The following KLHL4 variants were observed in gnomAD, a reference collection of about 807,000 sequenced individuals.
KLHL4 encodes the protein kelch-like protein 4.
KLHL4 carries 17 observed loss-of-function variants against 45.8 expected under a neutral mutation model. The observed-to-expected ratio is 0.37, with a 90% CI of 0.25 to 0.56. The LOEUF (loss-of-function observed/expected upper bound fraction) is 0.56. Ranked by LOEUF, KLHL4 falls within the 20% of genes least tolerant of loss-of-function variation. KLHL4 has a pLI of 0.79. For synonymous variants in KLHL4, 224 were observed against 189.9 expected, an observed-to-expected ratio of 1.18 and a Z score of -1.47; for missense variants, 544 against 544.9, an observed-to-expected ratio of 1.00 and a Z score of 0.02.
chrX:87,618,112 C>T lies in KLHL4; in HGVS notation c.908C>T (p.Ala303Val). Residue 303 changes from alanine (A) to valine (V), a missense_variant, in exon 4 of 11, where the codon GCA becomes GTA. Coordinates refer to ENST00000373119, the MANE Select transcript of KLHL4 (RefSeq NM_019117.5). Reference sequence around the variant, plus strand: ...GGCTGTACAGAACTTCTGAACGTGGCACACAAATACACTATGGTAAAATCA... The same window carrying T: ...GGCTGTACAGAACTTCTGAACGTGGTACACAAATACACTATGGTAAAATCA... ...AQGCTELLNV[A>V]HKYTMEHFIE... 2.5e-6 allele frequency: 3 copies of T among 1,184,425 alleles called. No individual in the cohort carries two copies. The highest frequency in any genetic ancestry group is 3.4e-6 in the Non-Finnish European group (3 of 879,437).
chrX:87,659,888 G>C (rs1345274950), intron 9 of KLHL4, among the ~76,000 whole-genome samples: 1 of 110,814 alleles, frequency 9.0e-6, no homozygotes, highest in Non-Finnish European at 1.9e-5. Context: ...GGTCAGCTCA[G>C]TATAAAGGCT....
chrX:87,581,493 G>T (rs1026084543), intron 1 of KLHL4, among the ~76,000 whole-genome samples: 5 of 112,578 alleles, frequency 4.4e-5, no homozygotes, highest in Non-Finnish European at 9.4e-5. Flanking sequence ...TACCCCCCTG[G>T]GACAGAGCTT....
chrX:87,621,381 AT>A (rs1205954391), intron 4 of KLHL4, among the ~76,000 whole-genome samples: 16 of 111,031 alleles, frequency 1.4e-4, no homozygotes, highest in African/African-American at 2.3e-4. Context: ...CTAGAAAAAA[AT>A]ATAATGGTGT....
chrX:87,561,999 G>A (rs1932109223), intron 1 of KLHL4, among the ~76,000 whole-genome samples: 1 of 109,902 alleles, frequency 9.1e-6, no homozygotes, highest in African/African-American at 3.3e-5. Flanking sequence ...ATCAATGATA[G>A]CTAGGTAGTA....
chrX:87,553,785 A>C (rs1931892252), intron 1 of KLHL4, among the ~76,000 whole-genome samples: 1 of 111,206 alleles, frequency 9.0e-6, no homozygotes, highest in Admixed American at 9.6e-5. Flanking sequence ...TAAAACCTAA[A>C]TAGCTTCACA....
chrX:87,632,419 C>T lies in KLHL4; in HGVS notation c.1534C>T (p.His512Tyr), dbSNP rs1923126439. ...IWTVMPPMSTHRHGLGVATLE... is the reference protein window; with the variant it reads ...IWTVMPPMSTYRHGLGVATLE... Reference sequence around the variant, plus strand: ...GACTGTGATGCCTCCCATGTCAACACATCGGCACGGCTTAGGTAAGAGCTT... The same window carrying T: ...GACTGTGATGCCTCCCATGTCAACATATCGGCACGGCTTAGGTAAGAGCTT... The change falls in exon 7 of 11, where the codon CAT (histidine) becomes TAT (tyrosine). Residue 512 changes from histidine (H) to tyrosine (Y), a missense_variant. His to Tyr is a moderately conservative substitution (Grantham distance 83). Transcript: ENST00000373119. 1 of 1,188,297 alleles carries T rather than the reference C, an allele frequency of 8.4e-7. No homozygotes were observed. Among genetic ancestry groups the T allele is most frequent in the African/African-American group, 1.8e-5 (1 of 56,790 alleles).
intron 1 of KLHL4, among the ~76,000 whole-genome samples, chrX:87,595,861 A>G (rs1921824926): frequency 9.0e-6 from 1 of 111,559 alleles, no homozygotes; most frequent in Non-Finnish European, 1.9e-5. Flanking sequence ...ACTTTAATGC[A>G]TATGACATAG....
intron 6 of KLHL4, among the ~76,000 whole-genome samples, chrX:87,629,350 A>G (rs1002565225): frequency 9.0e-6 from 1 of 111,575 alleles, no homozygotes; most frequent in Non-Finnish European, 1.9e-5. Flanking sequence ...GAGAATATAC[A>G]TTTTGATTAG....
At chrX:87,611,532 G>A (rs1922370231) in intron 1 of KLHL4, among the ~76,000 whole-genome samples, 1 of 110,978 alleles carries the variant, frequency 9.0e-6, no homozygotes, top group South Asian at 3.8e-4. Flanking sequence ...CTACTCACAT[G>A]TTTGTAGTAA....
In KLHL4 at chrX:87,549,129, T is replaced by C. The variant is rs190877379; in HGVS notation, c.422+30814T>C. Among the ~76,000 whole-genome samples the C allele has an allele frequency of 3.7e-3, 412 of 110,234 alleles. 1 individual carries two copies. The highest frequency in any genetic ancestry group is 6.8e-3 in the Non-Finnish European group (359 of 52,520). On this transcript the variant is annotated intron_variant, in intron 1 of 10. Coordinates refer to ENST00000373119, the MANE Select transcript of KLHL4 (RefSeq NM_019117.5). The stretch of plus-strand genomic sequence containing the variant: ...AAAAGAGCAGGAGTTGCTATACTTA[T>C]ATCAGACAAAATAGAATTAAATACA...
chrX:87,573,548 G>C (rs901498184), intron 1 of KLHL4, among the ~76,000 whole-genome samples: 1 of 110,948 alleles, frequency 9.0e-6, no homozygotes, highest in African/African-American at 3.3e-5. Context: ...TGATGGGGGC[G>C]CATAAGTATA....
intron 6 of KLHL4, among the ~76,000 whole-genome samples, chrX:87,630,369 G>GT (rs1335360607): frequency 2.4e-4 from 26 of 109,191 alleles, no homozygotes; most frequent in East Asian, 5.7e-4. Context: ...AGCAAATGAG[G>GT]TTTTTTTTTA....
rs969724951 is a variant in KLHL4, at chrX:87,651,931, T to C, written c.1926-12833T>C. Among the ~76,000 whole-genome samples, 2 of 112,624 alleles carry C rather than the reference T, an allele frequency of 1.8e-5. 1 individual carries two copies. The highest frequency in any genetic ancestry group is 1.9e-4 in the Admixed American group (2 of 10,679). On this transcript the variant is annotated intron_variant, in intron 9 of 10. Transcript: ENST00000373119. Reference sequence around the variant, plus strand: ...CTGCACTGCCCTAGCAGAGGTTCTCTTTGAGGGCCCTATTCCTGCAACAAA... The same window carrying C: ...CTGCACTGCCCTAGCAGAGGTTCTCCTTGAGGGCCCTATTCCTGCAACAAA...
Position 87,669,100 on chromosome X carries a change from T to G in KLHL4, c.*2566T>G. 16 of 951,175 alleles carry G rather than the reference T, an allele frequency of 1.7e-5. No individual in the cohort carries two copies. The highest frequency in any genetic ancestry group is 2.1e-5 in the Non-Finnish European group (16 of 763,531). 78.4% of individuals were successfully genotyped at this position (951,175 alleles called of 1,213,427 possible). A position where few individuals can be genotyped will look rare whatever the true frequency, so the allele number is the denominator to read the frequency against. On this transcript the variant is annotated 3_prime_UTR_variant, in exon 11 of 11. Coordinates refer to ENST00000373119, the MANE Select transcript of KLHL4 (RefSeq NM_019117.5). ...CTGACATGCTTTAGCAGAGATAACT[T>G]ATCAGGGCTAGTTTAAACAAATGTG... is the stretch of plus-strand genomic sequence containing the variant.
At chrX:87,525,113 A>T (rs144051036) in intron 1 of KLHL4, among the ~76,000 whole-genome samples, 1 of 112,114 alleles carries the variant, frequency 8.9e-6, no homozygotes, top group Non-Finnish European at 1.9e-5. Flanking sequence ...TTCTGATAAC[A>T]TCTAGTAACT....
intron 3 of KLHL4, among the ~76,000 whole-genome samples, chrX:87,615,491 CAA>C (rs767462024): frequency 1.4e-4 from 16 of 110,781 alleles, no homozygotes; most frequent in Non-Finnish European, 2.8e-4. Context: ...GTTATATACC[CAA>C]GAGTTAAAAA....
intron 1 of KLHL4, among the ~76,000 whole-genome samples, chrX:87,571,854 C>T (rs1157222078): frequency 9.0e-6 from 1 of 110,532 alleles, no homozygotes; most frequent in Non-Finnish European, 1.9e-5. Flanking sequence ...ATGTTTATGT[C>T]TGTATGAAAA....
chrX:87,531,207 T>G (rs747272109), intron 1 of KLHL4, among the ~76,000 whole-genome samples: 8 of 110,296 alleles, frequency 7.3e-5, no homozygotes, highest in East Asian at 2.9e-4. Flanking sequence ...TTTCTCCCAT[T>G]TTGTAGGTTG....
At chrX:87,636,110 T>C (rs1284108102) in intron 9 of KLHL4, among the ~76,000 whole-genome samples, 1 of 112,334 alleles carries the variant, frequency 8.9e-6, no homozygotes, top group Non-Finnish European at 1.9e-5. Flanking sequence ...TTGTAGTGGA[T>C]TTATCTTCTG....
Sources: allele counts gnomAD v4.1 joint callset (sites outside exome capture counted in the v4.1 genomes callset), GRCh38; gene constraint gnomAD v4.1.1; transcripts MANE v1.5; gene names NCBI Gene and HGNC (gene_info 2026-07-23, HGNC 2026-07-21).